Variants in DOCK7 observed in about 807,000 individuals in gnomAD.
The protein encoded by DOCK7 is dedicator of cytokinesis 7.
A neutral mutation model predicts 271.0 loss-of-function variants in DOCK7; 138 were observed. That is an observed-to-expected ratio of 0.51 (90% CI 0.44 to 0.59). The LOEUF (loss-of-function observed/expected upper bound fraction) is 0.59. Among genes scored for constraint, DOCK7 ranks in the 20% least tolerant of loss-of-function variants. The probability of loss-of-function intolerance (pLI) is 0.00; values close to 1 mark genes in which losing one functional copy is unlikely to be tolerated. For missense variants in DOCK7, 2,066 were observed against 2,592.4 expected (o/e 0.80, Z 4.41); for synonymous variants, 823 against 876.1 (o/e 0.94, Z 1.07).
chr1:62,640,548 G>A lies in DOCK7; in HGVS notation c.819-3945C>T, dbSNP rs574424384. On this transcript the variant is annotated intron_variant, in intron 7 of 49. Transcript: ENST00000635253. ...AAAAAAGAAAGAAAAAATTAAGTGT[G>A]TGTGTGTGTATTTGTTCCCTTTCAA... 4.6e-5 allele frequency among the ~76,000 whole-genome samples: 7 copies of A among 152,204 alleles called. No homozygotes were observed. The South Asian group carries it at 1.5e-3, about 32-fold the overall frequency.
chr1:62,508,132 T>A (rs1436104356), intron 34 of DOCK7, 74 bp from the exon 35 acceptor site: 3 of 1,303,816 alleles, frequency 2.3e-6, no homozygotes, highest in Non-Finnish European at 3.1e-6. Context: ...TAAGGATGCA[T>A]AGAAATAAAA....
chr1:62,456,752 A>T (rs1204084175), intron 49 of DOCK7, among the ~76,000 whole-genome samples: 1 of 152,032 alleles, frequency 6.6e-6, no homozygotes, highest in Admixed American at 6.6e-5. Context: ...GGGACCCAGC[A>T]CCCTGGCTCT....
chr1:62,680,841 T>G (rs1426527370), intron 1 of DOCK7, among the ~76,000 whole-genome samples: 2 of 151,906 alleles, frequency 1.3e-5, no homozygotes, highest in African/African-American at 2.4e-5. Context: ...TGAGACACCA[T>G]CTCACACCAG....
At chr1:62,645,880 G>A (rs1409841195) in intron 7 of DOCK7, among the ~76,000 whole-genome samples, 1 of 151,938 alleles carries the variant, frequency 6.6e-6, no homozygotes, top group East Asian at 1.9e-4. Flanking sequence ...AGGCGTGGTG[G>A]CTCACACCTG....
chr1:62,660,517 T>A (rs1571932123), intron 2 of DOCK7, among the ~76,000 whole-genome samples: 1 of 152,198 alleles, frequency 6.6e-6, no homozygotes. Flanking sequence ...TGAACCCTTG[T>A]GCATTGACGG....
intron 48 of DOCK7, among the ~76,000 whole-genome samples, chr1:62,466,343 T>C (rs1645676290): frequency 6.6e-6 from 1 of 152,240 alleles, no homozygotes; most frequent in African/African-American, 2.4e-5. Flanking sequence ...CTAACTCTAC[T>C]GTTTTGTACA....
chr1:62,519,288 G>A (rs1293945629), intron 31 of DOCK7, among the ~76,000 whole-genome samples: 1 of 152,076 alleles, frequency 6.6e-6, no homozygotes, highest in East Asian at 1.9e-4. Flanking sequence ...ATAGAATGCT[G>A]TAACTAACAA....
chr1:62,490,060 C>CT (rs34084769), intron 41 of DOCK7, among the ~76,000 whole-genome samples: 103,403 of 126,152 alleles, frequency 0.82, 43,648 homozygotes, highest in East Asian at 0.93. Flanking sequence ...ATCCCTTATC[C>CT]TTTTTTTTTT....
intron 2 of DOCK7, among the ~76,000 whole-genome samples, chr1:62,660,783 T>C (rs1456183699): frequency 1.3e-5 from 2 of 152,122 alleles, no homozygotes; most frequent in Admixed American, 6.5e-5. Flanking sequence ...CATATACATA[T>C]AATGGAGTAC....
chr1:62,528,128 T>A, intron 31 of DOCK7, 23 bp downstream of exon 31: 1 of 1,582,922 alleles, frequency 6.3e-7, no homozygotes, highest in South Asian at 1.2e-5. Flanking sequence ...GAAAAAAAAA[T>A]TCTGTAGGAG....
chr1:62,577,927 T>G (rs954990217), intron 17 of DOCK7, among the ~76,000 whole-genome samples: 2 of 152,034 alleles, frequency 1.3e-5, no homozygotes, highest in African/African-American at 2.4e-5. Flanking sequence ...GTAATTTTTT[T>G]TTTCTTTTTT....
At chr1:62,551,604 T>C (rs1571507332) in intron 22 of DOCK7, among the ~76,000 whole-genome samples, 1 of 152,066 alleles carries the variant, frequency 6.6e-6, no homozygotes, top group East Asian at 1.9e-4. Flanking sequence ...TTAGATTCCT[T>C]ATAATTTTGA....
chr1:62,456,425 C>T (rs1473910745), intron 49 of DOCK7, among the ~76,000 whole-genome samples: 1 of 152,104 alleles, frequency 6.6e-6, no homozygotes, highest in Non-Finnish European at 1.5e-5. Flanking sequence ...AAGGTTAAGC[C>T]ATGAGGCTTA....
intron 21 of DOCK7, among the ~76,000 whole-genome samples, chr1:62,553,456 T>C (rs1646025601): frequency 6.9e-6 from 1 of 144,328 alleles, no homozygotes; most frequent in Non-Finnish European, 1.5e-5. Flanking sequence ...CATAGTTCAC[T>C]ATAATCTTGG....
intron 14 of DOCK7, among the ~76,000 whole-genome samples, chr1:62,590,967 G>A (rs967867493): frequency 5.9e-5 from 9 of 152,042 alleles, no homozygotes; most frequent in Non-Finnish European, 1.0e-4. Context: ...ACTACCATTC[G>A]ACCCAGCAAT....
intron 18 of DOCK7, among the ~76,000 whole-genome samples, chr1:62,564,819 A>C (rs1646455554): frequency 1.3e-5 from 2 of 152,214 alleles, no homozygotes; most frequent in Admixed American, 6.5e-5. Context: ...AATAAAGAAC[A>C]AAAGAGAGAT....
intron 42 of DOCK7, chr1:62,488,187 G>A (rs950213834): frequency 6.6e-6 from 1 of 152,532 alleles, no homozygotes; most frequent in Admixed American, 6.5e-5. Context: ...AGGGTAGCAC[G>A]GGGAAGGGAA....
At chr1:62,657,389 A>C (rs1258924724) in intron 2 of DOCK7, among the ~76,000 whole-genome samples, 2 of 152,194 alleles carry the variant, frequency 1.3e-5, no homozygotes, top group Non-Finnish European at 2.9e-5. Context: ...TGGCCAAAAC[A>C]AGATAGCATC....
intron 4 of DOCK7, among the ~76,000 whole-genome samples, chr1:62,650,203 T>C (rs1026643261): frequency 2.6e-5 from 4 of 152,238 alleles, no homozygotes; most frequent in Admixed American, 1.3e-4. Flanking sequence ...TTAGTCTATA[T>C]TTACCTGTGT....
Sources: gnomAD v4.1 joint callset for allele counts (sites outside exome capture counted in the v4.1 genomes callset) on GRCh38, gnomAD v4.1.1 for gene constraint, MANE v1.5 for transcripts, NCBI Gene and HGNC (gene_info 2026-07-23, HGNC 2026-07-21) for gene names.